Variants in ARMC9 observed in about 807,000 individuals in gnomAD.
The protein encoded by ARMC9 is lisH domain-containing protein ARMC9.
A neutral mutation model predicts 107.0 loss-of-function variants in ARMC9; 94 were observed. The observed-to-expected ratio is 0.88, with a 90% CI of 0.74 to 1.04. The LOEUF is 1.04. Among genes scored for constraint, ARMC9 ranks in the 50% least tolerant of loss-of-function variants. The pLI is 0.00. For missense variants in ARMC9, 942 were observed against 1,030.1 expected, an observed-to-expected ratio of 0.91 and a Z score of 1.17; for synonymous variants, 380 against 396.9, an observed-to-expected ratio of 0.96 and a Z score of 0.51.
rs139594742 is a variant in ARMC9, at chr2:231,227,756, G to A, written c.622+958G>A. ...TGGGTTTGGGTTTGTCACTCAAGAT[G>A]GCTTTGGCAGCGTCAGCCTTTGAGA... is the stretch of plus-strand genomic sequence containing the variant. On this transcript the variant is annotated intron_variant, in intron 7 of 24. Coordinates refer to ENST00000611582, the MANE Select transcript of ARMC9 (RefSeq NM_001352754.2). 8.6e-3 allele frequency among the ~76,000 whole-genome samples: 1,304 copies of A among 152,350 alleles called. 20 individuals are homozygous for A. The highest frequency in any genetic ancestry group is 0.03 in the African/African-American group (1,250 of 41,592).
intron 19 of ARMC9, among the ~76,000 whole-genome samples, chr2:231,326,715 C>T (rs1374067245): frequency 6.6e-6 from 1 of 152,198 alleles, no homozygotes; most frequent in Non-Finnish European, 1.5e-5. Context: ...CTTCCAGGCC[C>T]AGGAGGTTGA....
intron 5 of ARMC9, among the ~76,000 whole-genome samples, chr2:231,217,794 G>A (rs1046602909): frequency 4.6e-5 from 7 of 152,092 alleles, no homozygotes; most frequent in Non-Finnish European, 1.0e-4. Flanking sequence ...GGGTTGAAGC[G>A]ATTCTCTTGC....
In ARMC9 at chr2:231,320,886, C is replaced by T. The variant is rs533400956; in HGVS notation, c.1774-10907C>T. On this transcript the variant is annotated intron_variant, in intron 19 of 24. Coordinates refer to ENST00000611582, the MANE Select transcript of ARMC9 (RefSeq NM_001352754.2). ...GGCCAAGCATGGAAGCCTCTCTATA[C>T]CTGCCAGAGACCCACAAAAATGATA... Among the ~76,000 whole-genome samples the T allele has an allele frequency of 2.0e-5, 3 of 152,306 alleles. No individual in the cohort carries two copies. In the South Asian group the frequency reaches 6.2e-4, roughly 32 times the overall value.
chr2:231,355,319 G>A (rs1392357483), intron 21 of ARMC9, among the ~76,000 whole-genome samples: 5 of 152,302 alleles, frequency 3.3e-5, no homozygotes, highest in Admixed American at 1.3e-4. Context: ...CAGCCTGGGC[G>A]ACAGAGTGAG....
In ARMC9 at chr2:231,372,165, G is replaced by A. The variant is rs1376079784; in HGVS notation, c.*630G>A. On this transcript the variant is annotated 3_prime_UTR_variant, in exon 25 of 25. Transcript: ENST00000611582. ...GCAGATCACGAGGTCAGGAGATCGA[G>A]ACCATCCTGGCTAACGTGGTGAAAC... 1.3e-5 allele frequency: 2 copies of A among 152,428 alleles called. No homozygotes were observed. The highest frequency in any genetic ancestry group is 2.9e-5 in the Non-Finnish European group (2 of 68,186). The allele number at this position is 152,428 out of a possible 1,614,324, so 9.4% of individuals were successfully genotyped here. A position where few individuals can be genotyped will look rare whatever the true frequency, so the allele number is the denominator to read the frequency against.
intron 19 of ARMC9, among the ~76,000 whole-genome samples, chr2:231,324,875 T>C (rs1575086701): frequency 6.6e-6 from 1 of 152,008 alleles, no homozygotes; most frequent in East Asian, 1.9e-4. Context: ...GGAGTTCAAG[T>C]CCAGCCTGAG....
intron 19 of ARMC9, among the ~76,000 whole-genome samples, chr2:231,299,651 G>C (rs755061559): frequency 6.6e-6 from 1 of 152,180 alleles, no homozygotes; most frequent in Non-Finnish European, 1.5e-5. Flanking sequence ...GGCTGAAGGG[G>C]GCATTTTTGT....
intron 7 of ARMC9, among the ~76,000 whole-genome samples, chr2:231,230,529 T>C (rs1421105426): frequency 6.6e-6 from 1 of 152,206 alleles, no homozygotes; most frequent in Non-Finnish European, 1.5e-5. Flanking sequence ...CAGGTCTTGT[T>C]TGTAGCTAGT....
At chr2:231,313,366 C>T (rs1011680352) in intron 19 of ARMC9, among the ~76,000 whole-genome samples, 1 of 152,166 alleles carries the variant, frequency 6.6e-6, no homozygotes, top group Non-Finnish European at 1.5e-5. Context: ...ATATAAAGTA[C>T]TTCTCTTGTA....
chr2:231,369,298 A>C (rs887942428), intron 23 of ARMC9, among the ~76,000 whole-genome samples: 1 of 148,350 alleles, frequency 6.7e-6, no homozygotes, highest in Non-Finnish European at 1.5e-5. Context: ...CTTTTTTTTT[A>C]TTTTATTTTT....
At chr2:231,298,389 T>C (rs2041514097) in intron 19 of ARMC9, among the ~76,000 whole-genome samples, 1 of 152,106 alleles carries the variant, frequency 6.6e-6, no homozygotes, top group African/African-American at 2.4e-5. Flanking sequence ...CTTTCAAAGT[T>C]GGAGGGAAAA....
At chr2:231,318,463 G>A (rs552823618) in intron 19 of ARMC9, among the ~76,000 whole-genome samples, 6 of 152,328 alleles carry the variant, frequency 3.9e-5, no homozygotes, top group African/African-American at 1.4e-4. Flanking sequence ...TAGTTTAGCA[G>A]TCAGAGATGT....
At chr2:231,317,852 C>G (rs1468722591) in intron 19 of ARMC9, among the ~76,000 whole-genome samples, 1 of 151,946 alleles carries the variant, frequency 6.6e-6, no homozygotes, top group East Asian at 1.9e-4. Context: ...TTTATAGTGT[C>G]TATTTTTCTG....
chr2:231,293,696 A>G (rs2041175506), intron 18 of ARMC9: 1 of 152,170 alleles, frequency 6.6e-6, no homozygotes, highest in Non-Finnish European at 1.5e-5. Context: ...GGAAATACCT[A>G]CTTAGTTCAG....
chr2:231,253,015 T>C (rs1315983843), intron 9 of ARMC9, among the ~76,000 whole-genome samples: 2 of 152,160 alleles, frequency 1.3e-5, no homozygotes, highest in African/African-American at 4.8e-5. Context: ...AATAGGTAAT[T>C]TCTTTATTAA....
intron 9 of ARMC9, among the ~76,000 whole-genome samples, chr2:231,253,072 G>A (rs1228956695): frequency 6.6e-6 from 1 of 151,898 alleles, no homozygotes; most frequent in East Asian, 1.9e-4. Flanking sequence ...CATGGTCTGA[G>A]CCACTTTTTT....
rs2041444828 is a variant in ARMC9, at chr2:231,297,341, G to A, written c.1773+1088G>A. ...AGGCCCCTTTGTTTACAAAGGTGGA[G>A]GCAGAGGGAAAAACACCAGCTTGAG... On this transcript the variant is annotated intron_variant, in intron 19 of 24. Coordinates refer to ENST00000611582, the MANE Select transcript of ARMC9 (RefSeq NM_001352754.2). This position sits in a 1 kb window ranked among gnomAD's most constrained non-coding sequence, Gnocchi z 4.2. 6.6e-6 allele frequency among the ~76,000 whole-genome samples: 1 copy of A among 152,174 alleles called. No individual in the cohort carries two copies. Among genetic ancestry groups the A allele is most frequent in the South Asian group, 2.1e-4 (1 of 4,828 alleles).
At chr2:231,199,319 C>T (rs2125292928) in intron 1 of ARMC9, among the ~76,000 whole-genome samples, 1 of 152,332 alleles carries the variant, frequency 6.6e-6, no homozygotes, top group Middle Eastern at 3.4e-3. Flanking sequence ...AAAAGTCACT[C>T]AGGGAGCTTG....
chr2:231,229,965 C>T (rs2035052213), intron 7 of ARMC9, among the ~76,000 whole-genome samples: 1 of 152,040 alleles, frequency 6.6e-6, no homozygotes, highest in South Asian at 2.1e-4. Flanking sequence ...ACTGTTATGT[C>T]AGTAATTTTG....
Sources: gnomAD v4.1 joint callset for allele counts (sites outside exome capture counted in the v4.1 genomes callset) on GRCh38, gnomAD v4.1.1 for gene constraint, Gnocchi (gnomAD v3.1) non-coding constraint, MANE v1.5 for transcripts, NCBI Gene and HGNC (gene_info 2026-07-23, HGNC 2026-07-21) for gene names.